TTLL5: variants seen among roughly 807,000 people sequenced by gnomAD.
The protein encoded by TTLL5 is tubulin polyglutamylase TTLL5.
Under a neutral mutation model 168.4 loss-of-function variants are expected in TTLL5, and 132 were observed. The ratio of observed to expected loss-of-function variants is 0.78; its 90% CI spans 0.68 to 0.91. TTLL5 has a LOEUF of 0.91. Among genes scored for constraint, TTLL5 ranks in the 40% least tolerant of loss-of-function variants. The pLI is 0.00. For synonymous variants in TTLL5, 546 were observed against 558.6 expected, an observed-to-expected ratio of 0.98 and a Z score of 0.32; for missense variants, 1,545 against 1,581.5, an observed-to-expected ratio of 0.98 and a Z score of 0.39.
At chr14:75,765,426 A>G (rs961517664) in intron 19 of TTLL5, among the ~76,000 whole-genome samples, 11 of 152,196 alleles carry the variant, frequency 7.2e-5, no homozygotes, top group African/African-American at 2.2e-4. Context: ...TTTTTAAAAA[A>G]TCTCTAATAC....
At chr14:75,841,904 C>G (rs1326381760) in intron 28 of TTLL5, among the ~76,000 whole-genome samples, 1 of 152,116 alleles carries the variant, frequency 6.6e-6, no homozygotes, top group Admixed American at 6.5e-5. Context: ...TGATGTTTTT[C>G]TATCCTAATA....
chr14:75,792,837 C>G (rs1892801625), intron 26 of TTLL5, 79 bp from the exon 27 acceptor site: 7 of 1,312,284 alleles, frequency 5.3e-6, no homozygotes, highest in Non-Finnish European at 7.2e-6. Context: ...ATCTGTTGAC[C>G]TGAGATTTCT....
At chr14:75,827,934 C>A (rs1056634606) in intron 28 of TTLL5, among the ~76,000 whole-genome samples, 7 of 151,666 alleles carry the variant, frequency 4.6e-5, no homozygotes, top group African/African-American at 1.7e-4. Flanking sequence ...CCAGACTGGT[C>A]TTGAACTCCC....
At chr14:75,895,006 C>G (rs146481947) in intron 30 of TTLL5, among the ~76,000 whole-genome samples, 1,802 of 152,200 alleles carry the variant, frequency 0.012, 33 homozygotes, top group African/African-American at 0.041. Context: ...AGTAACAACT[C>G]AAAAATTACT....
chr14:75,661,540 T>C (rs532761949), intron 1 of TTLL5, 153 bp downstream of exon 1: 52 of 152,386 alleles, frequency 3.4e-4, no homozygotes, highest in African/African-American at 1.2e-3. Context: ...GGTCGTCCCG[T>C]CCTTCCCGGG....
At chr14:75,761,844 C>T (rs898542242) in intron 18 of TTLL5, among the ~76,000 whole-genome samples, 2 of 152,150 alleles carry the variant, frequency 1.3e-5, no homozygotes, top group African/African-American at 4.8e-5. Flanking sequence ...GCTTACCCAA[C>T]ACAGTTCTAT....
At chr14:75,855,305 C>G (rs1485441216) in intron 28 of TTLL5, among the ~76,000 whole-genome samples, 1 of 152,136 alleles carries the variant, frequency 6.6e-6, no homozygotes, top group Non-Finnish European at 1.5e-5. Flanking sequence ...TTTATCTGAT[C>G]AACCTACTTG....
intron 27 of TTLL5, among the ~76,000 whole-genome samples, chr14:75,808,530 T>G (rs900264471): frequency 6.6e-6 from 1 of 152,232 alleles, no homozygotes; most frequent in Admixed American, 6.5e-5. Context: ...TTTTTCTGAT[T>G]GAATATATTC....
chr14:75,806,163 T>TGG (rs1174783804), intron 27 of TTLL5, among the ~76,000 whole-genome samples: 1 of 152,034 alleles, frequency 6.6e-6, no homozygotes, highest in Admixed American at 6.6e-5. Context: ...CCCAAGTAGC[T>TGG]GGGATTACAG....
At chr14:75,760,586 T>C (rs190292483) in intron 18 of TTLL5, among the ~76,000 whole-genome samples, 19 of 152,152 alleles carry the variant, frequency 1.2e-4, no homozygotes, top group Admixed American at 1.0e-3. Flanking sequence ...TTCTACAGTA[T>C]TCAAGATATT....
rs770316392 is a variant in TTLL5 at position 75,793,018 on chromosome 14, C to G, written c.3089C>G (p.Thr1030Arg). ...YSKRYNQSMV[T>R]AELQRLAEKQ... ...AAACGGTACAACCAAAGTATGGTTA[C>G]AGCTGAACTTCAGCGGCTAGCTGAG... is the stretch of plus-strand genomic sequence containing the variant. Residue 1030 changes from threonine to arginine, a missense_variant, in exon 27 of 32, where the codon ACA becomes AGA. Coordinates refer to ENST00000298832, the MANE Select transcript of TTLL5 (RefSeq NM_015072.5). 1.2e-6 allele frequency: 2 copies of G among 1,613,850 alleles called. No individual in the cohort carries two copies. Among genetic ancestry groups the G allele is most frequent in the Non-Finnish European group, 1.7e-6 (2 of 1,179,794 alleles).
intron 6 of TTLL5, among the ~76,000 whole-genome samples, chr14:75,698,215 C>G (rs922148384): frequency 1.3e-5 from 2 of 152,190 alleles, no homozygotes; most frequent in Non-Finnish European, 2.9e-5. Context: ...AAGTGGAAGA[C>G]AGAGCTGCTT....
intron 28 of TTLL5, among the ~76,000 whole-genome samples, chr14:75,844,418 G>A (rs750402929): frequency 2.0e-5 from 3 of 152,266 alleles, no homozygotes; most frequent in Non-Finnish European, 2.9e-5. Context: ...TAAAACAAAG[G>A]TCTGTAGCAA....
intron 31 of TTLL5, among the ~76,000 whole-genome samples, chr14:75,907,653 T>G (rs2033198438): frequency 6.6e-6 from 1 of 152,200 alleles, no homozygotes; most frequent in Admixed American, 6.5e-5. Context: ...CAGAAAGGAA[T>G]GAGAAGAGAG....
intron 31 of TTLL5, among the ~76,000 whole-genome samples, chr14:75,933,025 G>C (rs12886676): frequency 0.8 from 121,821 of 151,744 alleles, 49,080 homozygotes; most frequent in African/African-American, 0.87. Flanking sequence ...CCCCAATTCA[G>C]AGAAAAGTTT....
intron 30 of TTLL5, among the ~76,000 whole-genome samples, chr14:75,890,424 C>G (rs2140050921): frequency 6.6e-6 from 1 of 152,056 alleles, no homozygotes; most frequent in Non-Finnish European, 1.5e-5. Flanking sequence ...AGAATAAGAG[C>G]AGTAAACATA....
chr14:75,765,582 GC>G (rs764706685), intron 19 of TTLL5, among the ~76,000 whole-genome samples: 3 of 152,116 alleles, frequency 2.0e-5, no homozygotes, highest in Non-Finnish European at 4.4e-5. Context: ...GTAACATTAG[GC>G]CAGGCATGGT....
intron 2 of TTLL5, 83 bp from the exon 3 acceptor site, chr14:75,669,333 A>G: frequency 7.8e-7 from 1 of 1,277,760 alleles, no homozygotes; most frequent in East Asian, 2.4e-5. Flanking sequence ...GAAACTTGCT[A>G]AGCAACAAAC....
intron 27 of TTLL5, among the ~76,000 whole-genome samples, chr14:75,799,380 T>C (rs572629680): frequency 1.3e-5 from 2 of 152,332 alleles, no homozygotes; most frequent in South Asian, 2.1e-4. Flanking sequence ...GTTAGATGAG[T>C]TTCCTGAACT....
Sources: gnomAD v4.1 joint callset for allele counts (sites outside exome capture counted in the v4.1 genomes callset) on GRCh38, gnomAD v4.1.1 for gene constraint, MANE v1.5 for transcripts, NCBI Gene and HGNC (gene_info 2026-07-23, HGNC 2026-07-21) for gene names.